PRKD1: variants seen among roughly 807,000 people sequenced by gnomAD.
PRKD1 encodes the protein serine/threonine-protein kinase D1.
PRKD1 carries 63 observed loss-of-function variants against 95.9 expected under a neutral mutation model. The observed-to-expected ratio is 0.66, with a 90% CI of 0.54 to 0.81. The LOEUF is 0.81. Ranked by LOEUF, PRKD1 falls within the 30% of genes least tolerant of loss-of-function variation. The pLI, the probability that PRKD1 is intolerant of heterozygous loss-of-function variation, is 0.00. For synonymous variants in PRKD1, 425 were observed against 423.1 expected (o/e 1.00, Z -0.05); for missense variants, 1,048 against 1,165.3 (o/e 0.90, Z 1.47).
At chr14:29,645,041 C>A (rs73255547) in intron 4 of PRKD1, among the ~76,000 whole-genome samples, 3 of 152,054 alleles carry the variant, frequency 2.0e-5, no homozygotes, top group Non-Finnish European at 4.4e-5. Context: ...AGCAGAACTA[C>A]GAATTCAGGT....
Position 29,597,503 on chromosome 14 carries a change from T to C in PRKD1, c.2422A>G (p.Ile808Val), listed in dbSNP as rs139355024. Residue 808 changes from isoleucine (I) to valine (V), a missense_variant, in exon 16 of 18, where the codon ATA (isoleucine) becomes GTA (valine). Coordinates refer to ENST00000331968, the MANE Select transcript of PRKD1 (RefSeq NM_002742.3). ...FMYPPNPWKE[I>V]SHEAIDLINN... ...TGGAAGATATTACCTTCATGAGATA[T>C]TTCCTTCCAGGGATTTGGTGGATAC... The C allele has an allele frequency of 3.0e-4, 485 of 1,602,962 alleles. 3 individuals carry two copies. In the African/African-American group the frequency reaches 6.1e-3, roughly 20 times the overall value.
chr14:29,634,883 A>C (rs1446437008), intron 7 of PRKD1, among the ~76,000 whole-genome samples: 1 of 152,010 alleles, frequency 6.6e-6, no homozygotes, highest in East Asian at 1.9e-4. Context: ...AGTACAAAAA[A>C]AATCAGCTGG....
intron 1 of PRKD1, among the ~76,000 whole-genome samples, chr14:29,773,232 G>T (rs911942363): frequency 6.6e-6 from 1 of 152,074 alleles, no homozygotes; most frequent in African/African-American, 2.4e-5. Flanking sequence ...AGGCCCAGGC[G>T]AGTGAATCAC....
intron 1 of PRKD1, among the ~76,000 whole-genome samples, chr14:29,844,832 T>C (rs1271536587): frequency 2.6e-5 from 4 of 152,114 alleles, no homozygotes; most frequent in Non-Finnish European, 5.9e-5. Flanking sequence ...TCTGCCACCA[T>C]GGTCCAATAT....
chr14:29,679,456 A>C (rs1167834778), intron 2 of PRKD1, among the ~76,000 whole-genome samples: 1 of 152,172 alleles, frequency 6.6e-6, no homozygotes, highest in Non-Finnish European at 1.5e-5. Flanking sequence ...AGCATGATAA[A>C]ACTAAACAAA....
chr14:29,577,259 A>C lies in PRKD1; in HGVS notation c.2718T>G (p.Gly906=), dbSNP rs139896732. 4.0e-4 allele frequency: 643 copies of C among 1,613,390 alleles called. 3 individuals are homozygous for C. In the Middle Eastern group the frequency reaches 4.2e-3, roughly 11 times the overall value. ...ETEETEMKAL[G]ERVSIL ...GAACTCAGAGGATGCTGACACGCTC[A>C]CCGAGGGCTTTCATTTCTGTTTCTT... Residue 906 remains glycine (G), a synonymous_variant, in exon 18 of 18, where the codon GGT becomes GGG. Coordinates refer to ENST00000331968, the MANE Select transcript of PRKD1 (RefSeq NM_002742.3).
rs561774908 is a variant in PRKD1 at position 29,692,958 on chromosome 14, C to T, written c.404-26750G>A. Among the ~76,000 whole-genome samples, 4 of 152,248 alleles carry T rather than the reference C, an allele frequency of 2.6e-5. No individual in the cohort carries two copies. The South Asian group carries it at 8.3e-4, about 32-fold the overall frequency. ...CACATATAAAGAAGTGAAGTATAGG[C>T]CATATGCAATAAAGCAATTATTCTA... is the stretch of plus-strand genomic sequence containing the variant. On this transcript the variant is annotated intron_variant, in intron 2 of 17. Coordinates refer to ENST00000331968, the MANE Select transcript of PRKD1 (RefSeq NM_002742.3).
chr14:29,644,647 T>C (rs1566509617), intron 4 of PRKD1, among the ~76,000 whole-genome samples: 1 of 152,136 alleles, frequency 6.6e-6, no homozygotes, highest in South Asian at 2.1e-4. Context: ...TAAATCTAGT[T>C]GAAATGGAGA....
chr14:29,799,857 G>A (rs1165849221), intron 1 of PRKD1, among the ~76,000 whole-genome samples: 1 of 152,174 alleles, frequency 6.6e-6, no homozygotes, highest in African/African-American at 2.4e-5. Flanking sequence ...CTGCCTTCTT[G>A]TTTCAGTTCT....
intron 2 of PRKD1, among the ~76,000 whole-genome samples, chr14:29,681,065 A>C (rs1883513449): frequency 6.6e-6 from 1 of 152,238 alleles, no homozygotes; most frequent in Non-Finnish European, 1.5e-5. Context: ...ACTGCAAATG[A>C]GAAACAAAAA....
intron 1 of PRKD1, among the ~76,000 whole-genome samples, chr14:29,737,811 G>A (rs45537437): frequency 0.012 from 1,899 of 152,256 alleles, 44 homozygotes; most frequent in African/African-American, 0.043. Flanking sequence ...AGAGAACCAA[G>A]ACAGCAATCA....
chr14:29,700,810 A>G (rs1339607523), intron 2 of PRKD1, among the ~76,000 whole-genome samples: 1 of 152,154 alleles, frequency 6.6e-6, no homozygotes, highest in Non-Finnish European at 1.5e-5. Context: ...TTCTGTCAGC[A>G]GACTTGGGAC....
chr14:29,697,991 G>T (rs949594364), intron 2 of PRKD1, among the ~76,000 whole-genome samples: 4 of 152,136 alleles, frequency 2.6e-5, no homozygotes, highest in African/African-American at 9.7e-5. Flanking sequence ...GAAAACAAGA[G>T]ATGTTCAAAT....
intron 16 of PRKD1, among the ~76,000 whole-genome samples, chr14:29,590,517 C>T (rs1045895448): frequency 6.6e-6 from 1 of 152,138 alleles, no homozygotes; most frequent in Non-Finnish European, 1.5e-5. Flanking sequence ...TTACGGCTCC[C>T]TTCACTTCTT....
rs559288707 is a variant in PRKD1 at position 29,630,393 on chromosome 14, C to T, written c.1672+349G>A. On this transcript the variant is annotated intron_variant, in intron 10 of 17. Coordinates refer to ENST00000331968, the MANE Select transcript of PRKD1 (RefSeq NM_002742.3). ...GGCTCAAGTCCTCCACCTACCTTGG[C>T]CTCCCTAAGAGCTGGGTTTAGAGGT... Among the ~76,000 whole-genome samples, 49 of 152,240 alleles carry T rather than the reference C, an allele frequency of 3.2e-4. No individual in the cohort carries two copies. The South Asian group carries it at 7.9e-3, about 24-fold the overall frequency.
Position 29,638,513 on chromosome 14 carries a change from G to A in PRKD1, c.961C>T (p.Leu321Phe). ...CCTCCATTAATGGTCACTTCGCCAA[G>A]GCAGTTGTTTGGTACTTTCGGTGCA... ...RCAPKVPNNC[L>F]GEVTINGDLL... The change falls in exon 6 of 18, where the codon CTT (leucine) becomes TTT (phenylalanine). Residue 321 changes from leucine to phenylalanine, a missense_variant. By Grantham distance (22) the Leu-to-Phe change is conservative. Coordinates refer to ENST00000331968, the MANE Select transcript of PRKD1 (RefSeq NM_002742.3). 1 of 1,614,144 alleles carries A rather than the reference G, an allele frequency of 6.2e-7. No individual in the cohort carries two copies. Among genetic ancestry groups the A allele is most frequent in the Non-Finnish European group, 8.5e-7 (1 of 1,180,008 alleles).
At chr14:29,760,484 T>C (rs932789659) in intron 1 of PRKD1, among the ~76,000 whole-genome samples, 2 of 151,868 alleles carry the variant, frequency 1.3e-5, no homozygotes, top group Admixed American at 6.6e-5. Flanking sequence ...GCCTCCCATG[T>C]AGCTGGGACT....
chr14:29,854,252 C>T (rs1892416260), intron 1 of PRKD1, among the ~76,000 whole-genome samples: 1 of 152,160 alleles, frequency 6.6e-6, no homozygotes, highest in African/African-American at 2.4e-5. Context: ...TTTGGAACTT[C>T]CTAGAGACTT....
chr14:29,824,088 G>A (rs1450486161), intron 1 of PRKD1, among the ~76,000 whole-genome samples: 1 of 152,150 alleles, frequency 6.6e-6, no homozygotes, highest in Admixed American at 6.5e-5. Context: ...ATCAGGTTGT[G>A]TGAATTTTAA....
Sources: allele counts gnomAD v4.1 joint callset (sites outside exome capture counted in the v4.1 genomes callset), GRCh38; gene constraint gnomAD v4.1.1; transcripts MANE v1.5; gene names NCBI Gene and HGNC (gene_info 2026-07-23, HGNC 2026-07-21).